The following DMXL2 variants were observed in gnomAD, a reference collection of about 807,000 sequenced individuals.
The protein encoded by DMXL2 is Dmx like 2.
DMXL2 carries 103 observed loss-of-function variants against 331.1 expected under a neutral mutation model. That is an observed-to-expected ratio of 0.31 (90% CI 0.27 to 0.37). The LOEUF is 0.37. DMXL2 is among the 10% of genes least tolerant of loss of function. DMXL2 has a pLI of 1.00. For synonymous variants in DMXL2, 1,281 were observed against 1,252.1 expected, an observed-to-expected ratio of 1.02 and a Z score of -0.49; for missense variants, 3,171 against 3,642.9, an observed-to-expected ratio of 0.87 and a Z score of 3.33.
intron 16 of DMXL2, among the ~76,000 whole-genome samples, chr15:51,506,304 C>T (rs1208336433): frequency 6.6e-6 from 1 of 152,148 alleles, no homozygotes; most frequent in Non-Finnish European, 1.5e-5. Context: ...CTCAAGCAAT[C>T]GTCCTGCCCT....
chr15:51,586,096 G>C (rs371951526), intron 1 of DMXL2, among the ~76,000 whole-genome samples: 1 of 152,134 alleles, frequency 6.6e-6, no homozygotes, highest in African/African-American at 2.4e-5. Flanking sequence ...AAGTCCACTC[G>C]AGAGTGCTGA....
At chr15:51,570,918 T>C (rs1250878861) in intron 2 of DMXL2, among the ~76,000 whole-genome samples, 7 of 152,118 alleles carry the variant, frequency 4.6e-5, no homozygotes, top group Non-Finnish European at 8.8e-5. Flanking sequence ...ATGACAGGAT[T>C]AAATTCACAC....
chr15:51,505,128 T>G (rs1355204028), intron 16 of DMXL2, among the ~76,000 whole-genome samples: 1 of 152,204 alleles, frequency 6.6e-6, no homozygotes. Context: ...TAACAAAATT[T>G]AAACCAATCA....
chr15:51,459,363 A>G (rs1461859361), intron 34 of DMXL2, among the ~76,000 whole-genome samples: 1 of 152,202 alleles, frequency 6.6e-6, no homozygotes, highest in Non-Finnish European at 1.5e-5. Flanking sequence ...CTTAAAACAG[A>G]AAAAGTGACA....
intron 2 of DMXL2, among the ~76,000 whole-genome samples, chr15:51,574,382 T>C (rs2050874429): frequency 1.3e-5 from 2 of 152,220 alleles, no homozygotes. Context: ...CTGACACCTC[T>C]GCACCCTGGT....
intron 13 of DMXL2, among the ~76,000 whole-genome samples, chr15:51,534,514 G>A (rs941825626): frequency 3.9e-5 from 6 of 152,336 alleles, no homozygotes; most frequent in African/African-American, 1.4e-4. Flanking sequence ...TGCATTTAGA[G>A]TTGAGTCTCC....
At chr15:51,572,388 C>T (rs1344012383) in intron 2 of DMXL2, among the ~76,000 whole-genome samples, 1 of 152,116 alleles carries the variant, frequency 6.6e-6, no homozygotes, top group African/African-American at 2.4e-5. Context: ...CCTTCTGAAA[C>T]TATTCCAAAC....
rs1395081727 is a variant in DMXL2, at chr15:51,499,543, C to A, written c.3681G>T (p.Lys1227Asn). ...TAGATCTAAGAAGAACCCATCTTGA[C>A]TTAACTCCTTGCTTGATACTACCAC... ...PLGGSIKQGVKSRWVLLRSID... is the reference protein window; with the variant it reads ...PLGGSIKQGVNSRWVLLRSID... Residue 1227 changes from lysine to asparagine, a missense_variant, in exon 18 of 44, where the codon AAG becomes AAT. Transcript: ENST00000560891. 6.2e-7 allele frequency: 1 copy of A among 1,614,112 alleles called. No homozygotes were observed. Among genetic ancestry groups the A allele is most frequent in the South Asian group, 1.1e-5 (1 of 91,066 alleles).
intron 2 of DMXL2, among the ~76,000 whole-genome samples, chr15:51,568,811 G>C (rs1184936482): frequency 6.6e-6 from 1 of 152,126 alleles, no homozygotes; most frequent in Non-Finnish European, 1.5e-5. Flanking sequence ...TGGATGGACA[G>C]CTGCCAAGAT....
At chr15:51,483,864 A>G (rs956604089) in intron 23 of DMXL2, among the ~76,000 whole-genome samples, 1 of 151,468 alleles carries the variant, frequency 6.6e-6, no homozygotes, top group Non-Finnish European at 1.5e-5. Flanking sequence ...CAGTGTGCAC[A>G]CCCCTTAGCC....
intron 1 of DMXL2, among the ~76,000 whole-genome samples, chr15:51,589,110 G>A (rs1303883793): frequency 1.3e-5 from 2 of 152,142 alleles, no homozygotes; most frequent in African/African-American, 4.8e-5. Flanking sequence ...CTAATAACCA[G>A]CTGGAAAAGA....
chr15:51,488,188 A>G (rs2042535703), intron 21 of DMXL2, 69 bp from the exon 22 acceptor site: 2 of 1,350,978 alleles, frequency 1.5e-6, no homozygotes, highest in Admixed American at 5.2e-5. Flanking sequence ...GTATAATAAT[A>G]TAAAATAAAA....
At chr15:51,599,263 T>C (rs2053054852) in intron 1 of DMXL2, among the ~76,000 whole-genome samples, 1 of 152,222 alleles carries the variant, frequency 6.6e-6, no homozygotes, top group Non-Finnish European at 1.5e-5. Flanking sequence ...AAATCAGCTA[T>C]TCCTCCAAGA....
Position 51,542,484 on chromosome 15 carries a change from T to C in DMXL2, c.954A>G (p.Leu318=). 6.2e-7 allele frequency: 1 copy of C among 1,613,106 alleles called. No homozygotes were observed. The highest frequency in any genetic ancestry group is 1.1e-5 in the South Asian group (1 of 90,928). ...CAGATGACCTCCTCTGTCCTTTCCT[T>C]AAATTTTTCAAATGGTGTATTGTCT... The part of the protein sequence containing the change: ...ALETIHHLKN[L]RKGQRRSSVL... The change falls in exon 9 of 44, where the codon TTA becomes TTG. Residue 318 remains leucine (L), a synonymous_variant. Coordinates refer to ENST00000560891, the MANE Select transcript of DMXL2 (RefSeq NM_001378457.1).
At chr15:51,592,813 T>C (rs2052489486) in intron 1 of DMXL2, among the ~76,000 whole-genome samples, 1 of 117,398 alleles carries the variant, frequency 8.5e-6, no homozygotes, top group African/African-American at 3.0e-5. Flanking sequence ...CCAGCCAAAC[T>C]AAGCTTCATA....
intron 35 of DMXL2, 23 bp downstream of exon 35, chr15:51,458,686 T>C (rs757840497): frequency 6.2e-7 from 1 of 1,613,798 alleles, no homozygotes. Context: ...AAATACACTG[T>C]GTATAATGAT....
At position 51,531,020 on chromosome 15, in the gene DMXL2, A is replaced by T. The variant is rs1167817164; in HGVS notation, c.2436+4643T>A. Among the ~76,000 whole-genome samples the T allele has an allele frequency of 2.6e-5, 4 of 152,310 alleles. No homozygotes were observed. The East Asian group carries it at 7.7e-4, about 29-fold the overall frequency. ...AACACCACTGACATTCTTTATAGAA[A>T]TTTTTTAAAGATTTAAAATTCATAT... On this transcript the variant is annotated intron_variant, in intron 13 of 43. Coordinates refer to ENST00000560891, the MANE Select transcript of DMXL2 (RefSeq NM_001378457.1).
chr15:51,535,993 G>C (rs550617508), intron 12 of DMXL2, among the ~76,000 whole-genome samples, 173 bp downstream of exon 12: 15 of 152,190 alleles, frequency 9.9e-5, no homozygotes, highest in African/African-American at 3.4e-4. Context: ...AAAACTTCTG[G>C]AAGTTCTAAA....
At chr15:51,462,007 A>G (rs892034547) in intron 33 of DMXL2, among the ~76,000 whole-genome samples, 3 of 152,200 alleles carry the variant, frequency 2.0e-5, no homozygotes, top group African/African-American at 7.2e-5. Flanking sequence ...CAATGCCATA[A>G]GGGTCTTTTG....
Sources: allele counts gnomAD v4.1 joint callset (sites outside exome capture counted in the v4.1 genomes callset), GRCh38; gene constraint gnomAD v4.1.1; transcripts MANE v1.5; gene names NCBI Gene and HGNC (gene_info 2026-07-23, HGNC 2026-07-21).